Variants in ELMO1 observed in about 807,000 individuals in gnomAD.
ELMO1 encodes engulfment and cell motility protein 1.
Under a neutral mutation model 98.9 loss-of-function variants are expected in ELMO1, and 26 were observed. The ratio of observed to expected loss-of-function variants is 0.26; its 90% CI spans 0.19 to 0.36. The LOEUF (loss-of-function observed/expected upper bound fraction) is 0.36, where lower values mean the gene tolerates loss of function less well. ELMO1 is among the 10% of genes least tolerant of loss of function. The pLI is 1.00. For missense variants in ELMO1, 627 were observed against 935.2 expected (o/e 0.67, Z 4.30); for synonymous variants, 346 against 346.0 (o/e 1.00, Z 0.00).
intron 13 of ELMO1, among the ~76,000 whole-genome samples, chr7:37,159,102 A>G (rs1169697877): frequency 6.6e-6 from 1 of 152,218 alleles, no homozygotes; most frequent in East Asian, 1.9e-4. Context: ...GGAGTTGAAC[A>G]ATGAGAACAC....
intron 16 of ELMO1, among the ~76,000 whole-genome samples, chr7:36,981,399 A>G (rs974472790): frequency 6.6e-6 from 1 of 151,998 alleles, no homozygotes; most frequent in African/African-American, 2.4e-5. Flanking sequence ...ATATAGGATA[A>G]TATCTGGTAT....
At chr7:37,228,742 C>T (rs1216768480) in intron 8 of ELMO1, among the ~76,000 whole-genome samples, 1 of 152,164 alleles carries the variant, frequency 6.6e-6, no homozygotes, top group Admixed American at 6.5e-5. Context: ...GTGGCTCACA[C>T]CTGTAATCCC....
At chr7:37,152,427 C>G (rs1242315282) in intron 13 of ELMO1, among the ~76,000 whole-genome samples, 1 of 146,686 alleles carries the variant, frequency 6.8e-6, no homozygotes, top group Non-Finnish European at 1.5e-5. Flanking sequence ...GTTCTGGCAC[C>G]TTGAGCAATG....
At chr7:36,980,108 T>C (rs1385701660) in intron 16 of ELMO1, among the ~76,000 whole-genome samples, 1 of 152,192 alleles carries the variant, frequency 6.6e-6, no homozygotes, top group Non-Finnish European at 1.5e-5. Flanking sequence ...GCCCTCCTTG[T>C]CAGATGGCAA....
intron 14 of ELMO1, among the ~76,000 whole-genome samples, chr7:37,115,557 T>TAA (rs140831801): frequency 3.1e-4 from 47 of 151,218 alleles, no homozygotes; most frequent in African/African-American, 1.1e-3. Context: ...TCATTCATGA[T>TAA]AAAAAAAAAC....
Position 36,946,374 on chromosome 7 carries a change from T to C in ELMO1, c.1438-51357A>G, listed in dbSNP as rs139345853. Reference sequence around the variant, plus strand: ...TAAGTGAGAGAATGAGTGGTATTCATGGTTACAGGGTAAGTGCATCTGTTG... The same window carrying C: ...TAAGTGAGAGAATGAGTGGTATTCACGGTTACAGGGTAAGTGCATCTGTTG... On this transcript the variant is annotated intron_variant, in intron 16 of 21. Coordinates refer to ENST00000310758, the MANE Select transcript of ELMO1 (RefSeq NM_014800.11). Among the ~76,000 whole-genome samples, 7 of 152,306 alleles carry C rather than the reference T, an allele frequency of 4.6e-5. No individual in the cohort carries two copies. The East Asian group carries it at 1.3e-3, about 29-fold the overall frequency.
At chr7:37,070,852 A>G (rs1436124961) in intron 15 of ELMO1, among the ~76,000 whole-genome samples, 2 of 152,158 alleles carry the variant, frequency 1.3e-5, no homozygotes, top group Admixed American at 6.5e-5. Flanking sequence ...TTTATATACA[A>G]TTCACAAAGG....
intron 16 of ELMO1, among the ~76,000 whole-genome samples, chr7:36,979,859 GC>G (rs916451323): frequency 3.3e-5 from 5 of 152,326 alleles, no homozygotes; most frequent in Admixed American, 3.3e-4. Flanking sequence ...CAGTGTGAAG[GC>G]CTGAGTTCCA....
chr7:37,176,800 T>C (rs1790521650), intron 13 of ELMO1, among the ~76,000 whole-genome samples: 1 of 152,222 alleles, frequency 6.6e-6, no homozygotes, highest in Non-Finnish European at 1.5e-5. Flanking sequence ...TTTATGCTGA[T>C]ATTGGTTGCA....
intron 15 of ELMO1, among the ~76,000 whole-genome samples, chr7:37,044,554 C>T (rs1401226850): frequency 6.6e-6 from 1 of 152,160 alleles, no homozygotes; most frequent in African/African-American, 2.4e-5. Flanking sequence ...CCCATGTGGA[C>T]GGCACTCTCT....
chr7:37,068,844 C>T (rs997875309), intron 15 of ELMO1, among the ~76,000 whole-genome samples: 1 of 152,110 alleles, frequency 6.6e-6, no homozygotes, highest in African/African-American at 2.4e-5. Context: ...GAGCCCGACT[C>T]CTAGGTCATG....
intron 1 of ELMO1, among the ~76,000 whole-genome samples, chr7:37,417,665 C>CAG: frequency 6.7e-6 from 1 of 148,222 alleles, no homozygotes; most frequent in African/African-American, 2.5e-5. Context: ...CTCCGTCACA[C>CAG]ACACACACAC....
At chr7:37,193,933 C>G (rs1339010294) in intron 13 of ELMO1, among the ~76,000 whole-genome samples, 1 of 152,168 alleles carries the variant, frequency 6.6e-6, no homozygotes, top group African/African-American at 2.4e-5. Flanking sequence ...ATGATCTCAC[C>G]CGGTGCTGCC....
chr7:37,231,159 T>C (rs1794152475), intron 8 of ELMO1, among the ~76,000 whole-genome samples: 1 of 152,142 alleles, frequency 6.6e-6, no homozygotes, highest in Admixed American at 6.5e-5. Flanking sequence ...GATTCTGAGA[T>C]GTGTTGAGAA....
At chr7:37,279,427 C>T (rs1456830352) in intron 4 of ELMO1, among the ~76,000 whole-genome samples, 1 of 152,136 alleles carries the variant, frequency 6.6e-6, no homozygotes, top group African/African-American at 2.4e-5. Flanking sequence ...AAGGACAAAC[C>T]AGTAATCCCG....
At chr7:37,354,763 C>T (rs1801427585) in intron 1 of ELMO1, among the ~76,000 whole-genome samples, 1 of 152,212 alleles carries the variant, frequency 6.6e-6, no homozygotes, top group South Asian at 2.1e-4. Flanking sequence ...AGCCCAGTTC[C>T]CTATCGCAGA....
intron 14 of ELMO1, among the ~76,000 whole-genome samples, chr7:37,118,606 C>T (rs894136975): frequency 1.2e-4 from 18 of 152,288 alleles, no homozygotes; most frequent in Middle Eastern, 3.4e-3. Context: ...GGAGTGGGAA[C>T]GGGAACAATC....
chr7:37,288,374 G>A lies in ELMO1; in HGVS notation c.193-16492C>T, dbSNP rs556809051. ...CAAGTAGCTGGAATTACAGGCATGC[G>A]CCACCATGCCCGGCTCATTTTTGTA... On this transcript the variant is annotated intron_variant, in intron 4 of 21. Coordinates refer to ENST00000310758, the MANE Select transcript of ELMO1 (RefSeq NM_014800.11). Among the ~76,000 whole-genome samples, 417 of 152,216 alleles carry A rather than the reference G, an allele frequency of 2.7e-3. 1 individual carries two copies. The highest frequency in any genetic ancestry group is 6.8e-3 in the Middle Eastern group (2 of 294).
At chr7:37,410,247 T>C (rs535661853) in intron 1 of ELMO1, among the ~76,000 whole-genome samples, 1 of 152,330 alleles carries the variant, frequency 6.6e-6, no homozygotes, top group East Asian at 1.9e-4. Flanking sequence ...GACTGACACA[T>C]AGAAAGCTCC....
Sources: gnomAD v4.1 joint callset for allele counts (sites outside exome capture counted in the v4.1 genomes callset) on GRCh38, gnomAD v4.1.1 for gene constraint, MANE v1.5 for transcripts, NCBI Gene and HGNC (gene_info 2026-07-23, HGNC 2026-07-21) for gene names.